The following TRMO variants were observed in gnomAD, a reference collection of about 807,000 sequenced individuals.
The protein encoded by TRMO is tRNA (adenine(37)-N6)-methyltransferase.
In TRMO, 30 loss-of-function variants were observed where a neutral mutation model predicts 37.2. The observed-to-expected ratio is 0.81, with a 90% CI of 0.60 to 1.09. TRMO has a LOEUF of 1.09. TRMO is among the 50% of genes least tolerant of loss of function. The pLI is 0.00. For missense variants in TRMO, 552 were observed against 549.5 expected (o/e 1.00, Z -0.05); for synonymous variants, 239 against 199.4 (o/e 1.20, Z -1.67).
At chr9:97,919,579 ATC>A (rs1157782167) in intron 1 of TRMO, among the ~76,000 whole-genome samples, 1 of 152,242 alleles carries the variant, frequency 6.6e-6, no homozygotes, top group African/African-American at 2.4e-5. Flanking sequence ...TGAGGAGACT[ATC>A]ACACCATGCT....
At position 97,904,976 on chromosome 9, in the gene TRMO, T is replaced by C; in HGVS notation, c.1083A>G (p.Ser361=). 6.2e-7 allele frequency: 1 copy of C among 1,613,468 alleles called. No individual in the cohort carries two copies. The highest frequency in any genetic ancestry group is 1.1e-5 in the South Asian group (1 of 91,084). Reference sequence around the variant, plus strand: ...CCTCTGCTGACTGAAAATATTTAAATGACGCCTGACCAACATCTGCAATGA... The same window carrying C: ...CCTCTGCTGACTGAAAATATTTAAACGACGCCTGACCAACATCTGCAATGA... The part of the protein sequence containing the change: ...QLSSQDVGQA[S]FKYFQSAEEA... The change falls in exon 5 of 5, where the codon TCA becomes TCG. Residue 361 remains serine (S), a synonymous_variant. Coordinates refer to ENST00000375119, the MANE Select transcript of TRMO (RefSeq NM_016481.5).
chr9:97,899,616 T>C (rs1340570166), downstream of TRMO, among the ~76,000 whole-genome samples: 1 of 152,078 alleles, frequency 6.6e-6, no homozygotes, highest in African/African-American at 2.4e-5. Context: ...CCAGGCACGG[T>C]GGCTCACGCC....
At chr9:97,919,701 C>A (rs1454409730) in intron 1 of TRMO, among the ~76,000 whole-genome samples, 3 of 152,204 alleles carry the variant, frequency 2.0e-5, no homozygotes, top group Non-Finnish European at 4.4e-5. Flanking sequence ...TATCACTTCA[C>A]TAAATCAGTC....
At chr9:97,905,134 A>T in intron 4 of TRMO, 142 bp from the exon 5 acceptor site, 1 of 911,822 alleles carries the variant, frequency 1.1e-6, no homozygotes, top group South Asian at 1.6e-5. Context: ...ATCATTACGG[A>T]GACTGTCACC....
the TRMO span, among the ~76,000 whole-genome samples, chr9:97,897,073 ACCT>A: frequency 9.9e-5 from 15 of 152,170 alleles, no homozygotes; most frequent in South Asian, 2.1e-4. Context: ...GGGTTGTATA[ACCT>A]CCTCATTTTA....
At position 97,922,410 on chromosome 9, in the gene TRMO, G is replaced by A. The variant is rs776030045; in HGVS notation, c.76+8C>T. 6 of 1,564,422 alleles carry A rather than the reference G, an allele frequency of 3.8e-6. No individual in the cohort carries two copies. The South Asian group carries it at 7.0e-5, about 18-fold the overall frequency. ...CCAGAGTGTGGCACCGCCGGTGTTG[G>A]AAGTTACCTGTCTCCAGAGCCGGCT... On this transcript the variant is annotated splice_region_variant and intron_variant, in intron 1 of 4. Transcript: ENST00000375119.
chr9:97,917,015 G>A (rs1826401374), intron 1 of TRMO, among the ~76,000 whole-genome samples: 1 of 151,866 alleles, frequency 6.6e-6, no homozygotes, highest in Non-Finnish European at 1.5e-5. Context: ...TGGTCAGGCT[G>A]GTCTTGAACT....
chr9:97,911,195 C>T (rs1303659987), intron 3 of TRMO: 1 of 214,644 alleles, frequency 4.7e-6, no homozygotes, highest in East Asian at 1.4e-4. Context: ...TTCTAACCAA[C>T]AGAATATGGC....
chr9:97,918,809 T>C (rs1052254700), intron 1 of TRMO, among the ~76,000 whole-genome samples: 1 of 152,204 alleles, frequency 6.6e-6, no homozygotes, highest in Admixed American at 6.5e-5. Flanking sequence ...GACTTGTTCT[T>C]TTTAGGTTGT....
chr9:97,904,567 T>C lies in TRMO; in HGVS notation c.*166A>G, dbSNP rs1003885067. 1.5e-5 allele frequency: 22 copies of C among 1,460,096 alleles called. No individual in the cohort carries two copies. Among genetic ancestry groups the C allele is most frequent in the Admixed American group, 2.5e-5 (1 of 39,812 alleles). The allele number at this position is 1,460,096 out of a possible 1,614,324, so 90.4% of individuals were successfully genotyped here. A position where few individuals can be genotyped will look rare whatever the true frequency, so the allele number is the denominator to read the frequency against. On this transcript the variant is annotated 3_prime_UTR_variant, in exon 5 of 5. Coordinates refer to ENST00000375119, the MANE Select transcript of TRMO (RefSeq NM_016481.5). ...TGTATTTTATATCTCTTTGTTAAGTTTATTAATGTATACGTTTTTCAAATA... is the reference window on the plus strand; with the variant it reads ...TGTATTTTATATCTCTTTGTTAAGTCTATTAATGTATACGTTTTTCAAATA...
At chr9:97,903,909 T>C (rs533209338), downstream of TRMO, among the ~76,000 whole-genome samples, 22 of 152,104 alleles carry the variant, frequency 1.4e-4, no homozygotes, top group Admixed American at 8.5e-4. Flanking sequence ...CTGACCAACA[T>C]GGTCTCTACT....
intron 4 of TRMO, 111 bp from the exon 5 acceptor site, chr9:97,905,103 C>T: frequency 8.6e-7 from 1 of 1,166,710 alleles, no homozygotes; most frequent in Non-Finnish European, 1.2e-6. Flanking sequence ...TTGACATGGA[C>T]AGGGTTTGGA....
chr9:97,910,615 A>G lies in TRMO; in HGVS notation c.411T>C (p.Gly137=), dbSNP rs752531496. 3 of 1,612,274 alleles carry G rather than the reference A, an allele frequency of 1.9e-6. No homozygotes were observed. ...LTLAKLEKVE[G]GAIYLSGIDM... is the part of the protein sequence containing the mutation. ...CAATTCCAGAAAGGTATATAGCTCCACCTATGACATAAAAACGTGAAAAAT... is the reference window on the plus strand; with the variant it reads ...CAATTCCAGAAAGGTATATAGCTCCGCCTATGACATAAAAACGTGAAAAAT... Residue 137 remains glycine, a splice_region_variant and synonymous_variant, in exon 4 of 5, where the codon GGT becomes GGC. Transcript: ENST00000375119.
At chr9:97,914,118 C>CATACATTTTGTA (rs1826249594) in intron 2 of TRMO, 6 of 152,492 alleles carry the variant, frequency 3.9e-5, no homozygotes, top group African/African-American at 1.4e-4. Flanking sequence ...AAAATGTCAG[C>CATACATTTTGTA]CTAAGAGAAA....
chr9:97,898,858 T>TTTTTTTTTTTTTGG, the TRMO span, among the ~76,000 whole-genome samples: 1 of 144,456 alleles, frequency 6.9e-6, no homozygotes, highest in East Asian at 2.1e-4. Flanking sequence ...TTTTTTTTTT[T>TTTTTTTTTTTTTGG]AGATGGAGAC....
At chr9:97,922,388 G>T in intron 1 of TRMO, 30 bp downstream of exon 1, 1 of 1,465,334 alleles carries the variant, frequency 6.8e-7, no homozygotes, top group Non-Finnish European at 9.4e-7. Context: ...AACCTCTCCA[G>T]AGTGTGGCAC....
intron 4 of TRMO, among the ~76,000 whole-genome samples, chr9:97,908,481 C>A (rs181956295): frequency 3.1e-3 from 472 of 151,532 alleles, no homozygotes; most frequent in African/African-American, 0.011. Flanking sequence ...CCCAGCTACA[C>A]AGAAGGCTGA....
At chr9:97,912,605 C>A (rs1051649075) in intron 3 of TRMO, 4 of 268,878 alleles carry the variant, frequency 1.5e-5, no homozygotes, top group Non-Finnish European at 3.0e-5. Context: ...TGTCCAATAG[C>A]CTGAAAAAGT....
chr9:97,898,879 A>G, the TRMO span, among the ~76,000 whole-genome samples: 4 of 119,982 alleles, frequency 3.3e-5, no homozygotes, highest in East Asian at 5.6e-4. Context: ...TCGCTCTGTC[A>G]GCCAGGCTGG....
Sources: gnomAD v4.1 joint callset for allele counts (sites outside exome capture counted in the v4.1 genomes callset) on GRCh38, gnomAD v4.1.1 for gene constraint, MANE v1.5 for transcripts, NCBI Gene and HGNC (gene_info 2026-07-23, HGNC 2026-07-21) for gene names.